The following MEGF8 variants were observed in gnomAD, a reference collection of about 807,000 sequenced individuals.
MEGF8 encodes the protein multiple EGF like domains 8.
In MEGF8, 156 loss-of-function variants were observed where a neutral mutation model predicts 302.9. That is an observed-to-expected ratio of 0.52 (90% confidence interval 0.45 to 0.59). The LOEUF (loss-of-function observed/expected upper bound fraction) is 0.59. Among genes scored for constraint, MEGF8 ranks in the 20% least tolerant of loss-of-function variants. The pLI, the probability that MEGF8 is intolerant of heterozygous loss-of-function variation, is 0.00. For synonymous variants in MEGF8, 1,621 were observed against 1,660.5 expected (o/e 0.98, Z 0.58); for missense variants, 3,345 against 3,964.5 (o/e 0.84, Z 4.20).
chr19:42,372,190 A>G (rs1350233095), intron 41 of MEGF8, among the ~76,000 whole-genome samples: 2 of 152,212 alleles, frequency 1.3e-5, no homozygotes, highest in African/African-American at 2.4e-5. Flanking sequence ...ACACAATGCC[A>G]TCAGAAGTCT....
intron 8 of MEGF8, among the ~76,000 whole-genome samples, chr19:42,338,903 C>T (rs1368640384): frequency 1.6e-5 from 2 of 126,098 alleles, no homozygotes; most frequent in African/African-American, 6.1e-5. Flanking sequence ...GGCGGGATCT[C>T]GGCTCACTGC....
chr19:42,343,621 C>T lies in MEGF8; in HGVS notation c.1658C>T (p.Pro553Leu). ...YKVPPFVFQA[P>L]APDYHLDYCS... ...GTGCCCCCCTTTGTGTTCCAGGCACCTGCCCCTGACGTGAGCACTGGGGTG... is the reference window on the plus strand; with the variant it reads ...GTGCCCCCCTTTGTGTTCCAGGCACTTGCCCCTGACGTGAGCACTGGGGTG... Residue 553 changes from proline (P) to leucine (L), a missense_variant, in exon 9 of 42, where the codon CCT (proline) becomes CTT (leucine). Pro to Leu is a moderately conservative substitution (Grantham distance 98). Coordinates refer to ENST00000251268, the MANE Select transcript of MEGF8 (RefSeq NM_001271938.2). 6.2e-7 allele frequency: 1 copy of T among 1,607,096 alleles called. No homozygotes were observed.
At chr19:42,329,366 G>A (rs961966252) in intron 1 of MEGF8, among the ~76,000 whole-genome samples, 3 of 152,136 alleles carry the variant, frequency 2.0e-5, no homozygotes, top group Non-Finnish European at 4.4e-5. Context: ...ACTAGGGCAG[G>A]GGCTTAGAGG....
In MEGF8 at chr19:42,350,129, C is replaced by T; in HGVS notation, c.2500-19C>T. ...TGCCCCAGACCTTGACTGCTGCCTT[C>T]CTGTGACCCCTTCCCCAGGAGATCT... is the stretch of plus-strand genomic sequence containing the variant. On this transcript the variant is annotated intron_variant, in intron 14 of 41. Transcript: ENST00000251268. 9 of 1,595,160 alleles carry T rather than the reference C, an allele frequency of 5.6e-6. No individual in the cohort carries two copies. Among genetic ancestry groups the T allele is most frequent in the Non-Finnish European group, 7.7e-6 (9 of 1,165,298 alleles).
At chr19:42,339,548 A>G (rs1044932918) in intron 8 of MEGF8, among the ~76,000 whole-genome samples, 5 of 152,070 alleles carry the variant, frequency 3.3e-5, no homozygotes, top group African/African-American at 9.7e-5. Flanking sequence ...TCCTTTGTCT[A>G]CTTTTTAATG....
At position 42,335,463 on chromosome 19, in the gene MEGF8, A is replaced by G. The variant is rs865808932; in HGVS notation, c.828+78A>G. The G allele has an allele frequency of 2.3e-5, 30 of 1,301,532 alleles. 1 individual carries two copies. The Middle Eastern group carries it at 1.0e-3, about 43-fold the overall frequency. 80.6% of individuals were successfully genotyped at this position (1,301,532 alleles called of 1,614,324 possible). ...CCGGGGACCCCCGGAATGATCCCCTATCACCTAGTGCTCCCACAGTTCCTG... is the reference window on the plus strand; with the variant it reads ...CCGGGGACCCCCGGAATGATCCCCTGTCACCTAGTGCTCCCACAGTTCCTG... On this transcript the variant is annotated intron_variant, in intron 5 of 41. Transcript: ENST00000251268.
chr19:42,357,300 C>T lies in MEGF8; in HGVS notation c.4831-104C>T, dbSNP rs2039466219. 64 of 1,400,304 alleles carry T rather than the reference C, an allele frequency of 4.6e-5. No homozygotes were observed. The highest frequency in any genetic ancestry group is 2.6e-4 in the Middle Eastern group (1 of 3,898). The allele number at this position is 1,400,304 out of a possible 1,614,324, so 86.7% of individuals were successfully genotyped here. On this transcript the variant is annotated intron_variant, in intron 27 of 41. Coordinates refer to ENST00000251268, the MANE Select transcript of MEGF8 (RefSeq NM_001271938.2). This position sits in a 1 kb window ranked among gnomAD's most constrained non-coding sequence, Gnocchi z 5.2. ...CTGGCCCTGGGGGGGTCATTCCCTC[C>T]TTAGTACTTCAGGGAGGACTGTGGG...
At position 42,351,410 on chromosome 19, in the gene MEGF8, C is replaced by A. The variant is rs767455238; in HGVS notation, c.2856-19C>A. 1.3e-6 allele frequency: 2 copies of A among 1,585,160 alleles called. No homozygotes were observed. The highest frequency in any genetic ancestry group is 1.7e-6 in the Non-Finnish European group (2 of 1,166,216). On this transcript the variant is annotated intron_variant, in intron 16 of 41. Coordinates refer to ENST00000251268, the MANE Select transcript of MEGF8 (RefSeq NM_001271938.2). This position sits in a 1 kb window ranked among gnomAD's most constrained non-coding sequence, Gnocchi z 5.6. ...TGTGCTGGCTGTGGAGTGACCTGGC[C>A]CCCTGCTCCCCACCCCAGGCGACTG... is the stretch of plus-strand genomic sequence containing the variant.
At chr19:42,333,145 C>T (rs576404404) in intron 1 of MEGF8, among the ~76,000 whole-genome samples, 1 of 152,316 alleles carries the variant, frequency 6.6e-6, no homozygotes, top group South Asian at 2.1e-4. Context: ...CAGCTCTATT[C>T]AGCGTGGGCC....
intron 1 of MEGF8, among the ~76,000 whole-genome samples, chr19:42,330,393 G>T (rs1461507199): frequency 6.6e-6 from 1 of 152,188 alleles, no homozygotes; most frequent in Admixed American, 6.5e-5. Context: ...CCTCCAGCAG[G>T]CACTTAACAA....
intron 8 of MEGF8, among the ~76,000 whole-genome samples, chr19:42,342,349 G>A (rs2039226249): frequency 6.6e-6 from 1 of 152,198 alleles, no homozygotes; most frequent in Non-Finnish European, 1.5e-5. Flanking sequence ...GCAAAAAGGA[G>A]AATTTCTGGC....
chr19:42,362,475 G>C lies in MEGF8; in HGVS notation c.5936G>C (p.Arg1979Pro). ...NGSCTSENDC[R>P]INQREVFWAG... ...TCCTGCACCTCTGAGAATGACTGTCGGATCAACCAGCGAGAGGTCTTCTGG... is the reference window on the plus strand; with the variant it reads ...TCCTGCACCTCTGAGAATGACTGTCCGATCAACCAGCGAGAGGTCTTCTGG... Residue 1979 changes from arginine (R) to proline (P), a missense_variant, in exon 34 of 42, where the codon CGG (arginine) becomes CCG (proline). Transcript: ENST00000251268. The C allele has an allele frequency of 6.2e-7, 1 of 1,613,956 alleles. No homozygotes were observed.
Position 42,357,558 on chromosome 19 carries a change from G to C in MEGF8, c.4985G>C (p.Gly1662Ala), listed in dbSNP as rs772698035. ...CTGGCAACCGGCACCTGGGTGTCAG[G>C]AGCCCAGAGTGGGACACCCCCCACA... ...YQLATGTWVS[G>A]AQSGTPPTGL... is the part of the protein sequence containing the mutation. Residue 1662 changes from glycine to alanine, a missense_variant, in exon 28 of 42, where the codon GGA becomes GCA. By Grantham distance (60) the Gly-to-Ala change is moderately conservative (BLOSUM62 0). Transcript: ENST00000251268. The surrounding 1 kb of genome is among the most constrained non-coding windows in gnomAD (Gnocchi z 5.2). 14 of 1,611,196 alleles carry C rather than the reference G, an allele frequency of 8.7e-6. No homozygotes were observed. In the South Asian group the frequency reaches 1.5e-4, roughly 18 times the overall value.
At position 42,356,491 on chromosome 19, in the gene MEGF8, GAGA is replaced by G. The variant is rs1334049747; in HGVS notation, c.4622+41_4622+43del. ...CTGGGCAGGTGGGATTCGCAAATAA[GAGA>G]AGGTCACCTCGGGATGCTAAGAGTC... On this transcript the variant is annotated intron_variant, in intron 26 of 41. Coordinates refer to ENST00000251268, the MANE Select transcript of MEGF8 (RefSeq NM_001271938.2). This position sits in a 1 kb window ranked among gnomAD's most constrained non-coding sequence, Gnocchi z 5.2. The G allele has an allele frequency of 4.0e-6, 6 of 1,488,320 alleles. No homozygotes were observed. The Admixed American group carries it at 8.6e-5, about 21-fold the overall frequency. The allele number at this position is 1,488,320 out of a possible 1,614,324, so 92.2% of individuals were successfully genotyped here. A position where few individuals can be genotyped will look rare whatever the true frequency, so the allele number is the denominator to read the frequency against.
chr19:42,376,151 C>T lies in MEGF8; in HGVS notation c.7914C>T (p.Phe2638=). ...CAGCCGACTCGCAGGGCCTGCTCTT[C>T]TTCCGGCAGGACCAGGCCCACATTG... ...NGSADSQGLL[F]FRQDQAHIDL... The change falls in exon 42 of 42, where the codon TTC becomes TTT. Residue 2638 remains phenylalanine (F), a synonymous_variant. Transcript: ENST00000251268. The surrounding 1 kb of genome is among the most constrained non-coding windows in gnomAD (Gnocchi z 8.2). The T allele has an allele frequency of 6.2e-7, 1 of 1,610,476 alleles. No homozygotes were observed. Among genetic ancestry groups the T allele is most frequent in the South Asian group, 1.1e-5 (1 of 91,066 alleles).
At chr19:42,349,723 A>C (rs2039341299) in intron 14 of MEGF8, 24 bp downstream of exon 14, 1 of 1,600,832 alleles carries the variant, frequency 6.2e-7, no homozygotes, top group African/African-American at 1.3e-5. Context: ...ACCTACCTCC[A>C]ACCCTAGCCG....
At position 42,344,378 on chromosome 19, in the gene MEGF8, C is replaced by T; in HGVS notation, c.1789-63C>T. On this transcript the variant is annotated intron_variant, in intron 10 of 41. Transcript: ENST00000251268. The surrounding 1 kb of genome is among the most constrained non-coding windows in gnomAD (Gnocchi z 4.5). Reference sequence around the variant, plus strand: ...ATCGCAGGACCCTGTATCCACAGCCCTTCCTTCCCAGATCTCTTGAGCTCC... The same window carrying T: ...ATCGCAGGACCCTGTATCCACAGCCTTTCCTTCCCAGATCTCTTGAGCTCC... The T allele has an allele frequency of 3.3e-6, 5 of 1,518,622 alleles. No homozygotes were observed. The highest frequency in any genetic ancestry group is 4.4e-6 in the Non-Finnish European group (5 of 1,139,048). 94.1% of individuals were successfully genotyped at this position (1,518,622 alleles called of 1,614,324 possible). A position where few individuals can be genotyped will look rare whatever the true frequency, so the allele number is the denominator to read the frequency against.
Position 42,376,415 on chromosome 19 carries a change from C to T in MEGF8, c.8178C>T (p.Arg2726=). 4 of 1,612,594 alleles carry T rather than the reference C, an allele frequency of 2.5e-6. No individual in the cohort carries two copies. The highest frequency in any genetic ancestry group is 3.4e-6 in the Non-Finnish European group (4 of 1,179,614). ...KPAGLPPPAF[R]RSEPFLAPLL... ...CTGGGCTCCCACCTCCCGCCTTCCG[C>T]CGCTCTGAGCCCTTCCTGGCACCCC... Residue 2726 remains arginine, a synonymous_variant, in exon 42 of 42, where the codon CGC becomes CGT. Transcript: ENST00000251268. This position sits in a 1 kb window ranked among gnomAD's most constrained non-coding sequence, Gnocchi z 8.2.
In MEGF8 at chr19:42,353,812, G is replaced by A. The variant is rs758067731; in HGVS notation, c.3799G>A (p.Ala1267Thr). ...GSCFRECGGR[A>T]LLTNVSSVAL... ...CTGCTTTCGGGAGTGTGGGGGTCGC[G>A]CCCTCCTCACCAACGTGTCCTCAGT... Residue 1267 changes from alanine (A) to threonine (T), a missense_variant, in exon 22 of 42, where the codon GCC becomes ACC. Physicochemically the swap from Ala to Thr is moderately conservative, Grantham distance 58 (BLOSUM62 0). Coordinates refer to ENST00000251268, the MANE Select transcript of MEGF8 (RefSeq NM_001271938.2). This position sits in a 1 kb window ranked among gnomAD's most constrained non-coding sequence, Gnocchi z 6.1. 9 of 1,608,748 alleles carry A rather than the reference G, an allele frequency of 5.6e-6. No individual in the cohort carries two copies. In the Admixed American group the frequency reaches 6.7e-5, roughly 12 times the overall value.
Sources: gnomAD v4.1 joint callset for allele counts (sites outside exome capture counted in the v4.1 genomes callset) on GRCh38, gnomAD v4.1.1 for gene constraint, Gnocchi (gnomAD v3.1) non-coding constraint, MANE v1.5 for transcripts, NCBI Gene and HGNC (gene_info 2026-07-23, HGNC 2026-07-21) for gene names.